Variants in USP7 observed in about 807,000 individuals in gnomAD.
The protein encoded by USP7 is ubiquitin specific peptidase 7, also known as ubiquitin C-terminal hydrolase 7.
A neutral mutation model predicts 162.9 loss-of-function variants in USP7; 9 were observed. The ratio of observed to expected loss-of-function variants is 0.06; its 90% CI spans 0.03 to 0.10. The LOEUF is 0.10. Ranked by LOEUF, USP7 falls within the 10% of genes least tolerant of loss-of-function variation. USP7 has a pLI of 1.00. For synonymous variants in USP7, 562 were observed against 475.9 expected (o/e 1.18, Z -2.35); for missense variants, 715 against 1,373.7 (o/e 0.52, Z 7.58).
chr16:8,922,466 G>A (rs1433203374), intron 3 of USP7, among the ~76,000 whole-genome samples: 4 of 152,208 alleles, frequency 2.6e-5, no homozygotes, highest in Non-Finnish European at 5.9e-5. Flanking sequence ...CCAGCCTGGC[G>A]ACAGAGTGAG....
At chr16:8,937,750 A>C (rs1327811483) in intron 1 of USP7, among the ~76,000 whole-genome samples, 3 of 152,200 alleles carry the variant, frequency 2.0e-5, no homozygotes, top group Non-Finnish European at 4.4e-5. Context: ...AGCATGGCTT[A>C]AATTCTCAAG....
At chr16:8,906,655 G>A in intron 12 of USP7, 73 bp from the exon 13 acceptor site, 1 of 1,442,298 alleles carries the variant, frequency 6.9e-7, no homozygotes, top group Non-Finnish European at 9.4e-7. Context: ...AGTAAGTAAG[G>A]CCATTTAATG....
intron 14 of USP7, among the ~76,000 whole-genome samples, 153 bp from the exon 15 acceptor site, chr16:8,904,718 C>T (rs1372020517): frequency 1.3e-5 from 2 of 150,730 alleles, no homozygotes; most frequent in South Asian, 2.1e-4. Context: ...TGAGGCGGGC[C>T]GATCACGAGG....
intron 5 of USP7, 147 bp downstream of exon 5, chr16:8,920,212 G>C (rs1192375935): frequency 3.1e-6 from 2 of 655,726 alleles, no homozygotes; most frequent in Non-Finnish European, 5.3e-6. Context: ...CGAGTGTCAA[G>C]CAGGTGTGAC....
chr16:8,944,161 A>G (rs1252639663), intron 1 of USP7, among the ~76,000 whole-genome samples: 1 of 152,026 alleles, frequency 6.6e-6, no homozygotes, highest in Non-Finnish European at 1.5e-5. Flanking sequence ...TTTTGCTTGC[A>G]TGTTTGAATG....
Position 8,917,895 on chromosome 16 carries a change from T to C in USP7, c.721-739A>G, listed in dbSNP as rs1406623605. On this transcript the variant is annotated intron_variant, in intron 6 of 30. Coordinates refer to ENST00000344836, the MANE Select transcript of USP7 (RefSeq NM_003470.3). ...ATCTCCGCCTCCCAGGTCCACGCCA[T>C]TCTCCTGCCTCAGCCTCCCCAGTAG... Among the ~76,000 whole-genome samples the C allele has an allele frequency of 5.9e-5, 9 of 152,244 alleles. No individual in the cohort carries two copies. In the South Asian group the frequency reaches 1.5e-3, roughly 25 times the overall value.
chr16:8,920,264 TTAAA>T, intron 5 of USP7, 91 bp downstream of exon 5: 1 of 1,080,916 alleles, frequency 9.3e-7, no homozygotes, highest in Non-Finnish European at 1.4e-6. Flanking sequence ...GGCTTACTGA[TTAAA>T]TATGTGCATC....
At chr16:8,916,748 T>C (rs1257365514) in intron 7 of USP7, among the ~76,000 whole-genome samples, 192 bp from the exon 8 acceptor site, 2 of 152,094 alleles carry the variant, frequency 1.3e-5, no homozygotes, top group East Asian at 1.9e-4. Flanking sequence ...TCCAAGAAAA[T>C]GTAATAAATC....
chr16:8,931,250 G>A (rs779428609), intron 1 of USP7, among the ~76,000 whole-genome samples: 6 of 151,068 alleles, frequency 4.0e-5, no homozygotes, highest in African/African-American at 1.2e-4. Flanking sequence ...GTGCAGTGGC[G>A]CAATCTCAGC....
At chr16:8,922,386 G>A (rs1049133164) in intron 3 of USP7, among the ~76,000 whole-genome samples, 4 of 152,216 alleles carry the variant, frequency 2.6e-5, no homozygotes, top group Non-Finnish European at 4.4e-5. Context: ...TACTTGAGAC[G>A]CCGAGGCAGG....
intron 1 of USP7, among the ~76,000 whole-genome samples, chr16:8,961,041 T>C (rs1048258009): frequency 6.6e-6 from 1 of 152,216 alleles, no homozygotes; most frequent in East Asian, 1.9e-4. Flanking sequence ...CAATTTGAGA[T>C]TCTGCTAAAT....
At position 8,900,924 on chromosome 16, in the gene USP7, GAACA is replaced by G. The variant is rs2061764154; in HGVS notation, c.2208+62_2208+65del. The G allele has an allele frequency of 6.5e-6, 10 of 1,535,950 alleles. No individual in the cohort carries two copies. In the East Asian group the frequency reaches 1.8e-4, roughly 28 times the overall value. Reference sequence around the variant, plus strand: ...CACTGTAACAAATTCGGGGTAAAAAGAACAAACAAAACCCTCCACAAACTACTAA... The same window carrying G: ...CACTGTAACAAATTCGGGGTAAAAAGAACAAAACCCTCCACAAACTACTAA... On this transcript the variant is annotated intron_variant, in intron 20 of 30. Transcript: ENST00000344836.
At chr16:8,894,668 C>G (rs766464272) in intron 29 of USP7, 28 bp from the exon 30 acceptor site, 1 of 1,611,310 alleles carries the variant, frequency 6.2e-7, no homozygotes, top group Admixed American at 1.7e-5. Flanking sequence ...AAAACTCCTC[C>G]GTTATTTCTG....
intron 20 of USP7, 163 bp from the exon 21 acceptor site, chr16:8,900,793 G>GT: frequency 1.4e-6 from 1 of 707,470 alleles, no homozygotes; most frequent in East Asian, 2.8e-5. Context: ...CCACAAATAT[G>GT]TAACAATCAG....
intron 1 of USP7, among the ~76,000 whole-genome samples, chr16:8,934,576 T>C (rs535644341): frequency 1.2e-4 from 18 of 152,232 alleles, no homozygotes; most frequent in Non-Finnish European, 2.2e-4. Flanking sequence ...AGTGTGAAGT[T>C]AGGGCTTCTC....
chr16:8,925,056 C>T (rs1333338288), intron 2 of USP7, among the ~76,000 whole-genome samples: 1 of 152,130 alleles, frequency 6.6e-6, no homozygotes, highest in East Asian at 1.9e-4. Context: ...ATAAGTTTTG[C>T]CATGTGCTTT....
intron 18 of USP7, chr16:8,901,875 T>G: frequency 1.7e-6 from 1 of 581,798 alleles, no homozygotes; most frequent in Non-Finnish European, 3.1e-6. Context: ...CGGCCCCACG[T>G]GGCTGCTACT....
At chr16:8,898,738 G>T in intron 23 of USP7, 99 bp from the exon 24 acceptor site, 2 of 997,308 alleles carry the variant, frequency 2.0e-6, no homozygotes, top group Non-Finnish European at 2.9e-6. Context: ...CCTTACACCT[G>T]GTCTTGAAAT....
chr16:8,930,752 T>C (rs993262384), intron 1 of USP7, among the ~76,000 whole-genome samples: 8 of 152,190 alleles, frequency 5.3e-5, no homozygotes, highest in African/African-American at 1.9e-4. Flanking sequence ...ACAGATCACC[T>C]GAGGCCAGGA....
Sources: gnomAD v4.1 joint callset for allele counts (sites outside exome capture counted in the v4.1 genomes callset) on GRCh38, gnomAD v4.1.1 for gene constraint, MANE v1.5 for transcripts, NCBI Gene and HGNC (gene_info 2026-07-23, HGNC 2026-07-21) for gene names.